The following GSE1 variants were observed in gnomAD, a reference collection of about 807,000 sequenced individuals.
The protein encoded by GSE1 is genetic suppressor element 1.
Under a neutral mutation model 112.6 loss-of-function variants are expected in GSE1, and 32 were observed. The observed-to-expected ratio is 0.28, with a 90% CI of 0.21 to 0.38. The LOEUF (loss-of-function observed/expected upper bound fraction) is 0.38, where lower values mean the gene tolerates loss of function less well. GSE1 is among the 10% of genes least tolerant of loss of function. The probability of loss-of-function intolerance (pLI) is 1.00; values close to 1 mark genes in which losing one functional copy is unlikely to be tolerated. For missense variants in GSE1, 2,348 were observed against 1,699.2 expected (o/e 1.38, Z -6.71); for synonymous variants, 1,115 against 735.6 (o/e 1.52, Z -8.35).
Position 85,672,685 on chromosome 16 carries a change from A to AAAAAAT in GSE1, c.*147_*152dup. 1.9e-6 allele frequency: 1 copy of AAAAAAT among 523,854 alleles called. No homozygotes were observed. Among genetic ancestry groups the AAAAAAT allele is most frequent in the East Asian group, 3.2e-5 (1 of 31,568 alleles). 32.5% of individuals were successfully genotyped at this position (523,854 alleles called of 1,614,324 possible). On this transcript the variant is annotated 3_prime_UTR_variant, in exon 16 of 16. Coordinates refer to ENST00000253458, the MANE Select transcript of GSE1 (RefSeq NM_014615.5). Reference sequence around the variant, plus strand: ...TGAAGCAAAGGATTCCAGGCTCCAGAAAAAATGAATGAACTCACCTTGACG... The same window carrying AAAAAAT: ...TGAAGCAAAGGATTCCAGGCTCCAGAAAAAATAAAAATGAATGAACTCACCTTGACG...
At chr16:85,459,725 C>A (rs2049922634) in intron 2 of GSE1, among the ~76,000 whole-genome samples, 1 of 152,204 alleles carries the variant, frequency 6.6e-6, no homozygotes. Flanking sequence ...TATATTGAGG[C>A]CCTGAAAGTT....
chr16:85,568,380 G>T (rs766674299), intron 1 of GSE1, among the ~76,000 whole-genome samples: 5 of 152,206 alleles, frequency 3.3e-5, no homozygotes, highest in African/African-American at 7.2e-5. Flanking sequence ...AATAGTGAGG[G>T]TTGTCTCTGA....
At chr16:85,543,313 T>A (rs1479007374) in intron 2 of GSE1, among the ~76,000 whole-genome samples, 2 of 152,132 alleles carry the variant, frequency 1.3e-5, no homozygotes, top group African/African-American at 2.4e-5. Flanking sequence ...ATAGCCTGGA[T>A]TCTATAGAGA....
intron 2 of GSE1, among the ~76,000 whole-genome samples, chr16:85,531,624 G>A (rs1427936068): frequency 6.6e-6 from 1 of 152,174 alleles, no homozygotes; most frequent in Non-Finnish European, 1.5e-5. Flanking sequence ...CTTCCGCCCT[G>A]CCCCGGCCCC....
rs151028903 is a variant in GSE1 at position 85,288,431 on chromosome 16, C to T, written c.2284-69032C>T. Among the ~76,000 whole-genome samples, 188 of 152,248 alleles carry T rather than the reference C, an allele frequency of 1.2e-3. 1 individual carries two copies. Among genetic ancestry groups the T allele is most frequent in the African/African-American group, 4.2e-3 (175 of 41,540 alleles). On this transcript the variant is annotated intron_variant, in intron 1 of 2. Transcript: ENST00000637419. The stretch of plus-strand genomic sequence containing the variant: ...GGGCATAGAAGCCACCTGCCCAGGG[C>T]GGTGCAGTTAATTGGAAGCAGAGCT...
rs555134782 is a variant in GSE1, at chr16:85,647,967, C to T, written c.227-585C>T. ...GCTTGATGGGAGCCCCCGGAGGGGG[C>T]GCCTTTTCCTGTGACCCCCCAAGCA... On this transcript the variant is annotated intron_variant, in intron 2 of 15. Transcript: ENST00000253458. 1.1e-4 allele frequency among the ~76,000 whole-genome samples: 17 copies of T among 152,066 alleles called. No homozygotes were observed. The East Asian group carries it at 2.4e-3, about 21-fold the overall frequency.
chr16:85,256,252 A>G (rs1005286544), intron 1 of GSE1, among the ~76,000 whole-genome samples: 3 of 152,174 alleles, frequency 2.0e-5, no homozygotes, highest in Admixed American at 6.5e-5. Context: ...CAACCCAACA[A>G]ACATGTGATG....
At chr16:85,485,867 G>A (rs536679039) in intron 2 of GSE1, among the ~76,000 whole-genome samples, 8 of 152,176 alleles carry the variant, frequency 5.3e-5, no homozygotes, top group South Asian at 2.1e-4. Flanking sequence ...CTGCTGCTCC[G>A]GGAAACACCG....
intron 2 of GSE1, among the ~76,000 whole-genome samples, chr16:85,482,864 G>C (rs1232328728): frequency 6.6e-6 from 1 of 152,056 alleles, no homozygotes; most frequent in Non-Finnish European, 1.5e-5. Context: ...TGTAATCTCA[G>C]CTCCTTGGGA....
intron 1 of GSE1, among the ~76,000 whole-genome samples, chr16:85,335,580 A>T (rs1268536422): frequency 6.6e-6 from 1 of 151,886 alleles, no homozygotes; most frequent in Non-Finnish European, 1.5e-5. Flanking sequence ...GAATAGGAGG[A>T]GGTACATGGG....
rs533686825 is a variant in GSE1 at position 85,431,941 on chromosome 16, C to G, written c.2464+74298C>G. ...AAAACTCATCAAGATTAATGAGTGGCGGGGCTGTGGGAGGGGCATCCCAGG... is the reference window on the plus strand; with the variant it reads ...AAAACTCATCAAGATTAATGAGTGGGGGGGCTGTGGGAGGGGCATCCCAGG... On this transcript the variant is annotated intron_variant, in intron 2 of 2. Transcript: ENST00000637419. 6.2e-3 allele frequency among the ~76,000 whole-genome samples: 941 copies of G among 152,342 alleles called. 5 individuals carry two copies. Among genetic ancestry groups the G allele is most frequent in the African/African-American group, 0.021 (892 of 41,586 alleles).
At chr16:85,506,920 A>T (rs1368529471) in intron 2 of GSE1, among the ~76,000 whole-genome samples, 1 of 152,064 alleles carries the variant, frequency 6.6e-6, no homozygotes, top group Non-Finnish European at 1.5e-5. Context: ...GGAGGCCCCG[A>T]CAGCCCCCTC....
At chr16:85,289,778 G>A (rs1047548551) in intron 1 of GSE1, among the ~76,000 whole-genome samples, 1 of 152,184 alleles carries the variant, frequency 6.6e-6, no homozygotes, top group African/African-American at 2.4e-5. Context: ...GGCCGGGCTG[G>A]TCTTTGTCCC....
At chr16:85,440,059 A>G (rs2049340725) in intron 2 of GSE1, among the ~76,000 whole-genome samples, 2 of 152,262 alleles carry the variant, frequency 1.3e-5, no homozygotes, top group South Asian at 4.1e-4. Context: ...TTCGGGTTTA[A>G]GCCCTGAGCA....
intron 1 of GSE1, among the ~76,000 whole-genome samples, chr16:85,279,885 C>G (rs192077311): frequency 6.6e-5 from 10 of 152,308 alleles, no homozygotes; most frequent in African/African-American, 2.2e-4. Context: ...CATCTCAGAG[C>G]AAACTCCGGC....
At chr16:85,329,674 C>G (rs570905052) in intron 1 of GSE1, among the ~76,000 whole-genome samples, 2 of 151,640 alleles carry the variant, frequency 1.3e-5, no homozygotes, top group Non-Finnish European at 2.9e-5. Context: ...GGGATTAGGC[C>G]GGAGCCAGCC....
chr16:85,616,419 T>A (rs899940083), intron 1 of GSE1, among the ~76,000 whole-genome samples: 1 of 152,218 alleles, frequency 6.6e-6, no homozygotes, highest in African/African-American at 2.4e-5. Flanking sequence ...CGGTTTTTCC[T>A]GGCCCCATTT....
chr16:85,260,319 CTTTTTTTTTTT>C (rs111292010), intron 1 of GSE1, among the ~76,000 whole-genome samples: 6 of 94,868 alleles, frequency 6.3e-5, no homozygotes, highest in Admixed American at 1.2e-4. Flanking sequence ...TTTTTCTTTT[CTTTTTTTTTTT>C]TTTTTTTTTT....
At chr16:85,656,811 T>G in intron 7 of GSE1, 146 bp downstream of exon 7, 1 of 1,185,238 alleles carries the variant, frequency 8.4e-7, no homozygotes, top group African/African-American at 1.5e-5. Flanking sequence ...GAACATGGAG[T>G]AGGGAGCAGA....
Sources: gnomAD v4.1 joint callset for allele counts (sites outside exome capture counted in the v4.1 genomes callset) on GRCh38, gnomAD v4.1.1 for gene constraint, MANE v1.5 for transcripts, NCBI Gene and HGNC (gene_info 2026-07-23, HGNC 2026-07-21) for gene names.